Variants in PHF21A observed in about 807,000 individuals in gnomAD.
The protein encoded by PHF21A is PHD finger protein 21A.
In PHF21A, 11 loss-of-function variants were observed where a neutral mutation model predicts 82.5. That is an observed-to-expected ratio of 0.13 (90% CI 0.08 to 0.22). The LOEUF (loss-of-function observed/expected upper bound fraction) is 0.22. PHF21A is among the 10% of genes least tolerant of loss of function. The probability of loss-of-function intolerance (pLI) is 1.00; values close to 1 mark genes in which losing one functional copy is unlikely to be tolerated. For synonymous variants in PHF21A, 297 were observed against 302.8 expected (o/e 0.98, Z 0.20); for missense variants, 579 against 837.8 (o/e 0.69, Z 3.81).
intron 1 of PHF21A, among the ~76,000 whole-genome samples, chr11:46,104,763 T>C (rs1481810598): frequency 6.6e-6 from 1 of 152,228 alleles, no homozygotes; most frequent in East Asian, 1.9e-4. Flanking sequence ...GGTATTACCA[T>C]CTCTGTATCA....
intron 6 of PHF21A, among the ~76,000 whole-genome samples, chr11:45,984,830 A>G (rs1012396759): frequency 6.6e-6 from 1 of 152,198 alleles, no homozygotes; most frequent in African/African-American, 2.4e-5. Flanking sequence ...TTTGTGCTCT[A>G]CATGGCAGTA....
At chr11:46,046,250 A>T (rs1416286888) in intron 6 of PHF21A, among the ~76,000 whole-genome samples, 1 of 152,198 alleles carries the variant, frequency 6.6e-6, no homozygotes, top group African/African-American at 2.4e-5. Context: ...AGGTTTAATT[A>T]ACTGTACACA....
At chr11:46,060,880 G>A (rs1425052299) in intron 6 of PHF21A, among the ~76,000 whole-genome samples, 1 of 152,132 alleles carries the variant, frequency 6.6e-6, no homozygotes, top group East Asian at 1.9e-4. Context: ...CGTGAAATCT[G>A]TGCCCATGCT....
rs547718078 is a variant in PHF21A, at chr11:46,065,634, C to G, written c.153+11120G>C. Among the ~76,000 whole-genome samples, 14 of 152,318 alleles carry G rather than the reference C, an allele frequency of 9.2e-5. No homozygotes were observed. The South Asian group carries it at 2.7e-3, about 29-fold the overall frequency. ...ATCTGTACTGATACAATTATAACAT[C>G]TATATTACAGTTGAGGAAACCAGCT... On this transcript the variant is annotated intron_variant, in intron 6 of 18. Coordinates refer to ENST00000676320, the MANE Select transcript of PHF21A (RefSeq NM_001352027.3).
At chr11:46,059,069 G>T (rs909211851) in intron 6 of PHF21A, among the ~76,000 whole-genome samples, 1 of 152,122 alleles carries the variant, frequency 6.6e-6, no homozygotes, top group African/African-American at 2.4e-5. Context: ...GTTGGAGTTA[G>T]ATTCTACTAT....
intron 1 of PHF21A, among the ~76,000 whole-genome samples, chr11:46,103,945 CA>C (rs2135809311): frequency 6.6e-6 from 1 of 152,210 alleles, no homozygotes; most frequent in Non-Finnish European, 1.5e-5. Flanking sequence ...TTATTTACCC[CA>C]AAACTCCTCA....
intron 8 of PHF21A, chr11:45,970,564 T>C (rs1024408087): frequency 7.2e-6 from 1 of 139,404 alleles, no homozygotes; most frequent in Non-Finnish European, 1.5e-5. Flanking sequence ...CTTGTTCAAG[T>C]ACTTCCTCCT....
At chr11:45,936,824 A>G (rs1484491159) in intron 16 of PHF21A, 1 of 414,780 alleles carries the variant, frequency 2.4e-6, no homozygotes, top group African/African-American at 2.1e-5. Flanking sequence ...TTGGCTGAGC[A>G]TTCCTATCTT....
At chr11:46,047,154 G>C (rs1377473589) in intron 6 of PHF21A, among the ~76,000 whole-genome samples, 1 of 152,200 alleles carries the variant, frequency 6.6e-6, no homozygotes, top group Non-Finnish European at 1.5e-5. Context: ...CCCAGTCTGA[G>C]ATAAAGGCTT....
At chr11:46,030,903 TGGA>T (rs1416003173) in intron 6 of PHF21A, among the ~76,000 whole-genome samples, 1 of 150,574 alleles carries the variant, frequency 6.6e-6, no homozygotes, top group East Asian at 1.9e-4. Context: ...TTGGGGGAAG[TGGA>T]GGAGACTGAC....
At chr11:45,989,116 A>G (rs1035809668) in intron 6 of PHF21A, among the ~76,000 whole-genome samples, 2 of 152,188 alleles carry the variant, frequency 1.3e-5, no homozygotes, top group African/African-American at 4.8e-5. Flanking sequence ...TTACTGATTA[A>G]CTTCATGGAA....
At chr11:46,010,440 T>G (rs1355425708) in intron 6 of PHF21A, among the ~76,000 whole-genome samples, 1 of 152,232 alleles carries the variant, frequency 6.6e-6, no homozygotes, top group African/African-American at 2.4e-5. Flanking sequence ...TTGTCTAAAA[T>G]TATACAGTTA....
At position 45,932,495 on chromosome 11, in the gene PHF21A, A is replaced by G. The variant is rs979791972; in HGVS notation, c.*1473T>C. The G allele has an allele frequency of 6.6e-6, 1 of 152,452 alleles. No homozygotes were observed. The highest frequency in any genetic ancestry group is 1.5e-5 in the Non-Finnish European group (1 of 68,052). 9.4% of individuals were successfully genotyped at this position (152,452 alleles called of 1,614,324 possible). A position where few individuals can be genotyped will look rare whatever the true frequency, so the allele number is the denominator to read the frequency against. On this transcript the variant is annotated 3_prime_UTR_variant, in exon 19 of 19. Transcript: ENST00000676320. This position sits in a 1 kb window ranked among gnomAD's most constrained non-coding sequence, Gnocchi z 4.3. The stretch of plus-strand genomic sequence containing the variant: ...GAGACTGGCCCACCAGTCTAGAGAC[A>G]CACACACGGCAAAATGTCATCGTGA...
chr11:46,107,555 A>C (rs1476768814), intron 1 of PHF21A, among the ~76,000 whole-genome samples: 1 of 152,250 alleles, frequency 6.6e-6, no homozygotes, highest in Non-Finnish European at 1.5e-5. Flanking sequence ...TTTTACGGCA[A>C]GGCTTTAGCA....
chr11:46,080,377 T>C (rs998622306), intron 4 of PHF21A, among the ~76,000 whole-genome samples: 8 of 152,022 alleles, frequency 5.3e-5, no homozygotes, highest in African/African-American at 1.5e-4. Context: ...CAGGCTGGTC[T>C]TGAACTCCTA....
At chr11:45,942,238 C>G (rs945392851) in intron 15 of PHF21A, among the ~76,000 whole-genome samples, 3 of 152,070 alleles carry the variant, frequency 2.0e-5, no homozygotes, top group African/African-American at 7.2e-5. Context: ...TTAAAAAAAC[C>G]TGGCAGAAGC....
chr11:46,095,280 CCATATGTAAAA>C (rs2096980429), intron 1 of PHF21A, among the ~76,000 whole-genome samples: 1 of 152,110 alleles, frequency 6.6e-6, no homozygotes, highest in Non-Finnish European at 1.5e-5. Flanking sequence ...TTTACACTAT[CCATATGTAAAA>C]CATATTTAAG....
At chr11:45,989,766 A>G (rs1180459491) in intron 6 of PHF21A, among the ~76,000 whole-genome samples, 1 of 152,166 alleles carries the variant, frequency 6.6e-6, no homozygotes, top group African/African-American at 2.4e-5. Context: ...TGGGAGGCCA[A>G]TGCAGGAGGA....
At chr11:46,065,958 C>T (rs554570837) in intron 6 of PHF21A, among the ~76,000 whole-genome samples, 5 of 152,190 alleles carry the variant, frequency 3.3e-5, no homozygotes, top group African/African-American at 1.2e-4. Context: ...GATGTTAGGG[C>T]GGGCACATCC....
Sources: gnomAD v4.1 joint callset for allele counts (sites outside exome capture counted in the v4.1 genomes callset) on GRCh38, gnomAD v4.1.1 for gene constraint, Gnocchi (gnomAD v3.1) non-coding constraint, MANE v1.5 for transcripts, NCBI Gene and HGNC (gene_info 2026-07-23, HGNC 2026-07-21) for gene names.